The following WDR27 variants were observed in gnomAD, a reference collection of about 807,000 sequenced individuals.
WDR27 encodes WD repeat-containing protein 27.
In WDR27, 100 loss-of-function variants were observed where a neutral mutation model predicts 114.4. The observed-to-expected ratio is 0.87, with a 90% CI of 0.74 to 1.03. The LOEUF (loss-of-function observed/expected upper bound fraction) is 1.03. Among genes scored for constraint, WDR27 ranks in the 50% least tolerant of loss-of-function variants. The pLI is 0.00. For missense variants in WDR27, 1,129 were observed against 1,092.9 expected (o/e 1.03, Z -0.47); for synonymous variants, 449 against 423.1 (o/e 1.06, Z -0.75).
At chr6:169,581,984 T>C (rs1377764080) in intron 24 of WDR27, among the ~76,000 whole-genome samples, 1 of 151,974 alleles carries the variant, frequency 6.6e-6, no homozygotes, top group Non-Finnish European at 1.5e-5. Context: ...TTATTTTTTA[T>C]TTTTTTTGAG....
intron 25 of WDR27, among the ~76,000 whole-genome samples, chr6:169,541,726 G>A (rs1312911969): frequency 6.6e-6 from 1 of 151,872 alleles, no homozygotes; most frequent in Non-Finnish European, 1.5e-5. Flanking sequence ...TCTGGTAAAC[G>A]GAAAAGAAAA....
chr6:169,675,206 A>G (rs557682720), intron 2 of WDR27, among the ~76,000 whole-genome samples: 5 of 152,222 alleles, frequency 3.3e-5, no homozygotes, highest in African/African-American at 1.2e-4. Flanking sequence ...TGTATGGGTC[A>G]TGGGGGCAGA....
At chr6:169,533,829 G>GTT (rs1188995061) in intron 25 of WDR27, among the ~76,000 whole-genome samples, 1 of 151,334 alleles carries the variant, frequency 6.6e-6, no homozygotes, top group Non-Finnish European at 1.5e-5. Context: ...AAGCCTGTGT[G>GTT]TGTGTGTGTG....
chr6:169,689,598 AGCATAAACT>A, intron 1 of WDR27, among the ~76,000 whole-genome samples: 1 of 152,234 alleles, frequency 6.6e-6, no homozygotes, highest in Non-Finnish European at 1.5e-5. Context: ...TGTTTCGTAA[AGCATAAACT>A]AATGAAACAC....
At chr6:169,589,915 T>C (rs1454964701) in intron 23 of WDR27, among the ~76,000 whole-genome samples, 3 of 150,240 alleles carry the variant, frequency 2.0e-5, no homozygotes, top group African/African-American at 7.4e-5. Flanking sequence ...ACAAACAGAG[T>C]TGGAAATAAA....
intron 21 of WDR27, among the ~76,000 whole-genome samples, chr6:169,631,418 T>G: frequency 6.9e-6 from 1 of 145,212 alleles, no homozygotes; most frequent in East Asian, 2.1e-4. Context: ...ATGAACTGGG[T>G]GGTGGGGTGG....
intron 25 of WDR27, among the ~76,000 whole-genome samples, chr6:169,486,994 C>T (rs1407982424): frequency 2.0e-5 from 3 of 152,144 alleles, no homozygotes; most frequent in Admixed American, 6.5e-5. Flanking sequence ...TCCTGGTGCC[C>T]ATGGGTACTG....
chr6:169,607,427 TAATATAA>T (rs1458589443), intron 22 of WDR27, among the ~76,000 whole-genome samples: 6 of 10,262 alleles, frequency 5.8e-4, no homozygotes, highest in Non-Finnish European at 1.2e-3. Flanking sequence ...CACACACATA[TAATATAA>T]TATTATTCAG....
At chr6:169,539,070 G>A (rs1375844587) in intron 25 of WDR27, among the ~76,000 whole-genome samples, 3 of 152,182 alleles carry the variant, frequency 2.0e-5, no homozygotes, top group Non-Finnish European at 4.4e-5. Flanking sequence ...CAATAGCTTA[G>A]GGTGTAATTC....
the WDR27 span, among the ~76,000 whole-genome samples, chr6:169,437,877 C>T: frequency 6.6e-6 from 1 of 152,042 alleles, no homozygotes; most frequent in African/African-American, 2.4e-5. Context: ...TAACATGAGA[C>T]TGTATTCTTG....
At chr6:169,543,440 T>C (rs1327884025) in intron 25 of WDR27, among the ~76,000 whole-genome samples, 2 of 152,162 alleles carry the variant, frequency 1.3e-5, no homozygotes, top group Non-Finnish European at 2.9e-5. Flanking sequence ...TTTACTCATG[T>C]GGGTCTTTTC....
chr6:169,623,115 G>A (rs961321076), intron 21 of WDR27, among the ~76,000 whole-genome samples: 7 of 152,084 alleles, frequency 4.6e-5, no homozygotes, highest in Admixed American at 3.9e-4. Flanking sequence ...TAAGATCAGT[G>A]CTTGAGATAT....
rs532266987 is a variant in WDR27, at chr6:169,670,867, T to G, written c.332-174A>C. On this transcript the variant is annotated intron_variant, in intron 3 of 25. Transcript: ENST00000448612. The stretch of plus-strand genomic sequence containing the variant: ...ATCAAAAATACTGGATATACAGAAG[T>G]CTTCTGAAAACCTGGGGAATGCAGC... 3.4e-6 allele frequency: 3 copies of G among 879,080 alleles called. No individual in the cohort carries two copies. The African/African-American group carries it at 5.1e-5, about 15-fold the overall frequency. 54.5% of individuals were successfully genotyped at this position (879,080 alleles called of 1,614,324 possible).
intron 25 of WDR27, among the ~76,000 whole-genome samples, chr6:169,468,819 G>A (rs1290340202): frequency 6.6e-6 from 1 of 152,208 alleles, no homozygotes; most frequent in African/African-American, 2.4e-5. Context: ...AGTTCTGTAG[G>A]CTTGGAAATC....
At chr6:169,641,664 C>T (rs896300562) in intron 17 of WDR27, among the ~76,000 whole-genome samples, 2 of 152,170 alleles carry the variant, frequency 1.3e-5, no homozygotes, top group African/African-American at 2.4e-5. Flanking sequence ...AGCCACTCGG[C>T]GCAGCTCGAG....
chr6:169,582,792 C>G, intron 24 of WDR27, 44 bp downstream of exon 24: 2 of 1,467,528 alleles, frequency 1.4e-6, no homozygotes, highest in Non-Finnish European at 1.9e-6. Context: ...TAATGTAAGA[C>G]TTGTATGCAG....
intron 25 of WDR27, among the ~76,000 whole-genome samples, chr6:169,543,972 A>T (rs1797125913): frequency 6.6e-6 from 1 of 152,246 alleles, no homozygotes; most frequent in Non-Finnish European, 1.5e-5. Context: ...ATATCAAAAC[A>T]TCACAGTTGA....
chr6:169,598,656 G>A (rs529719085), intron 23 of WDR27, among the ~76,000 whole-genome samples: 19 of 152,316 alleles, frequency 1.2e-4, no homozygotes, highest in African/African-American at 4.3e-4. Flanking sequence ...AAGGCCACTT[G>A]GAGATGGACG....
At chr6:169,687,668 G>C (rs1051345071) in intron 2 of WDR27, among the ~76,000 whole-genome samples, 2 of 152,098 alleles carry the variant, frequency 1.3e-5, no homozygotes, top group African/African-American at 2.4e-5. Context: ...ACTGAATATA[G>C]ACATCCCTCA....
Sources: allele counts gnomAD v4.1 joint callset (sites outside exome capture counted in the v4.1 genomes callset), GRCh38; gene constraint gnomAD v4.1.1; transcripts MANE v1.5; gene names NCBI Gene and HGNC (gene_info 2026-07-23, HGNC 2026-07-21).